The following EYA2 variants were observed in gnomAD, a reference collection of about 807,000 sequenced individuals.
The protein encoded by EYA2 is EYA transcriptional coactivator and phosphatase 2, also known as protein phosphatase EYA2.
In EYA2, 31 loss-of-function variants were observed where a neutral mutation model predicts 69.2. The ratio of observed to expected loss-of-function variants is 0.45; its 90% confidence interval spans 0.34 to 0.60. EYA2 has a LOEUF of 0.60. Ranked by LOEUF, EYA2 falls within the 20% of genes least tolerant of loss-of-function variation. EYA2 has a pLI of 0.02. For synonymous variants in EYA2, 257 were observed against 279.4 expected, an observed-to-expected ratio of 0.92 and a Z score of 0.80; for missense variants, 622 against 701.2, an observed-to-expected ratio of 0.89 and a Z score of 1.28.
intron 10 of EYA2, among the ~76,000 whole-genome samples, chr20:47,156,051 CATATATATACAT>C (rs1568813817): frequency 0.022 from 1,939 of 86,424 alleles, 99 homozygotes; most frequent in African/African-American, 0.1. Flanking sequence ...CACACACACA[CATATATATACAT>C]ACACACACAC....
chr20:47,057,182 G>T (rs950929973), intron 5 of EYA2, among the ~76,000 whole-genome samples: 9 of 142,928 alleles, frequency 6.3e-5, no homozygotes, highest in Admixed American at 2.8e-4. Flanking sequence ...AGGAAGGAAG[G>T]AATCTCAGCA....
At chr20:47,071,198 C>T (rs4416278) in intron 5 of EYA2, among the ~76,000 whole-genome samples, 34,445 of 151,794 alleles carry the variant, frequency 0.23, 3,972 homozygotes, top group South Asian at 0.28. Context: ...TTAGTAGAGA[C>T]AGAATTTCAC....
At chr20:46,967,130 A>G (rs1979837507) in intron 1 of EYA2, among the ~76,000 whole-genome samples, 1 of 152,302 alleles carries the variant, frequency 6.6e-6, no homozygotes, top group Non-Finnish European at 1.5e-5. Context: ...AGTAGCTGGG[A>G]CTACAGGCAC....
At chr20:46,944,433 C>G (rs1209330) in intron 1 of EYA2, among the ~76,000 whole-genome samples, 57,133 of 151,924 alleles carry the variant, frequency 0.38, 11,582 homozygotes, top group Non-Finnish European at 0.46. Flanking sequence ...TCAGATTGTT[C>G]GGATGAGCAG....
At chr20:47,124,991 A>C (rs2033142710) in intron 9 of EYA2, among the ~76,000 whole-genome samples, 1 of 149,696 alleles carries the variant, frequency 6.7e-6, no homozygotes, top group African/African-American at 2.4e-5. Context: ...ATTTGTCATG[A>C]GTTTGACTCT....
chr20:47,095,678 G>A (rs995504303), intron 8 of EYA2: 3 of 152,090 alleles, frequency 2.0e-5, no homozygotes, highest in Non-Finnish European at 4.4e-5. Flanking sequence ...AAAAAATGAT[G>A]AAAGAATTCT....
chr20:46,982,946 G>A (rs1980934509), intron 1 of EYA2, among the ~76,000 whole-genome samples: 1 of 149,294 alleles, frequency 6.7e-6, no homozygotes, highest in South Asian at 2.1e-4. Flanking sequence ...GCTAATTTTT[G>A]TATTTTTAGT....
At chr20:47,073,727 G>A (rs967277899) in intron 6 of EYA2, among the ~76,000 whole-genome samples, 5 of 152,132 alleles carry the variant, frequency 3.3e-5, no homozygotes, top group African/African-American at 1.2e-4. Flanking sequence ...CAGTGCACGG[G>A]GCAGGCAGGA....
intron 1 of EYA2, among the ~76,000 whole-genome samples, chr20:46,919,932 T>C (rs865897104): frequency 4.6e-5 from 7 of 152,174 alleles, no homozygotes; most frequent in African/African-American, 7.2e-5. Flanking sequence ...TTCAGTACTC[T>C]TGTGTTTCAC....
chr20:46,952,476 G>GTCAT (rs1432555339), intron 1 of EYA2, among the ~76,000 whole-genome samples: 2 of 152,226 alleles, frequency 1.3e-5, no homozygotes, highest in African/African-American at 2.4e-5. Flanking sequence ...TTGTTCATCA[G>GTCAT]TCATTCATTC....
intron 5 of EYA2, among the ~76,000 whole-genome samples, chr20:47,060,553 G>A (rs1278433549): frequency 5.3e-5 from 8 of 152,246 alleles, no homozygotes; most frequent in Non-Finnish European, 1.2e-4. Flanking sequence ...CATCAGCCTG[G>A]GCAGAGGGAA....
At chr20:47,174,299 C>T (rs540884410) in intron 12 of EYA2, among the ~76,000 whole-genome samples, 2 of 152,356 alleles carry the variant, frequency 1.3e-5, no homozygotes, top group South Asian at 4.1e-4. Context: ...AACTTTCTAG[C>T]TATGTGGCCT....
In EYA2 at chr20:47,180,515, C is replaced by T. The variant is rs182124575; in HGVS notation, c.1314-300C>T. 3.3e-3 allele frequency among the ~76,000 whole-genome samples: 505 copies of T among 152,338 alleles called. 6 individuals are homozygous for T. Among genetic ancestry groups the T allele is most frequent in the Non-Finnish European group, 1.6e-3 (112 of 68,034 alleles). On this transcript the variant is annotated intron_variant, in intron 13 of 15. Coordinates refer to ENST00000327619, the MANE Select transcript of EYA2 (RefSeq NM_005244.5). ...CCCCACCTCTCCCTCTTGTCCTACACTTGTTCCATATCACTCATTTACATT... is the reference window on the plus strand; with the variant it reads ...CCCCACCTCTCCCTCTTGTCCTACATTTGTTCCATATCACTCATTTACATT...
In EYA2 at chr20:47,181,005, T is replaced by TG. The variant is rs1250744770; in HGVS notation, c.1435+73dup. On this transcript the variant is annotated intron_variant, in intron 14 of 15. Coordinates refer to ENST00000327619, the MANE Select transcript of EYA2 (RefSeq NM_005244.5). Reference sequence around the variant, plus strand: ...TGGGGTTAGCTTTCCATCCTGGGAATGGGGTGTTTAAGGAACATGACACCA... The same window carrying TG: ...TGGGGTTAGCTTTCCATCCTGGGAATGGGGGTGTTTAAGGAACATGACACCA... The TG allele has an allele frequency of 7.7e-6, 12 of 1,568,160 alleles. No individual in the cohort carries two copies. The East Asian group carries it at 2.7e-4, about 35-fold the overall frequency.
At chr20:47,085,615 C>T (rs2031870167) in intron 7 of EYA2, among the ~76,000 whole-genome samples, 1 of 150,838 alleles carries the variant, frequency 6.6e-6, no homozygotes, top group Non-Finnish European at 1.5e-5. Flanking sequence ...CACTGCACTC[C>T]AGGCTGGCAA....
intron 5 of EYA2, among the ~76,000 whole-genome samples, chr20:47,033,338 A>G (rs754759653): frequency 1.3e-5 from 2 of 152,236 alleles, no homozygotes; most frequent in African/African-American, 2.4e-5. Flanking sequence ...TGCAGGCTAT[A>G]CAGTCTCTGT....
At chr20:47,086,814 T>G (rs9753543) in intron 7 of EYA2, among the ~76,000 whole-genome samples, 4,624 of 151,738 alleles carry the variant, frequency 0.03, 105 homozygotes, top group South Asian at 0.063. Context: ...TTTTGTTGTT[T>G]TTTTTTTTGG....
At position 47,188,265 on chromosome 20, in the gene EYA2, A is replaced by G. The variant is rs1040475825; in HGVS notation, c.*132A>G. 18 of 772,592 alleles carry G rather than the reference A, an allele frequency of 2.3e-5. No individual in the cohort carries two copies. The African/African-American group carries it at 3.0e-4, about 13-fold the overall frequency. The allele number at this position is 772,592 out of a possible 1,614,324, so 47.9% of individuals were successfully genotyped here. ...GCCCCACAGCCGAGACGACGTGTCC[A>G]GTGACCATCTCAGAAGCCGTCCATC... is the stretch of plus-strand genomic sequence containing the variant. On this transcript the variant is annotated 3_prime_UTR_variant, in exon 16 of 16. Coordinates refer to ENST00000327619, the MANE Select transcript of EYA2 (RefSeq NM_005244.5).
At chr20:47,144,401 G>A (rs1241053523) in intron 10 of EYA2, among the ~76,000 whole-genome samples, 1 of 151,250 alleles carries the variant, frequency 6.6e-6, no homozygotes, top group African/African-American at 2.4e-5. Flanking sequence ...AAATAAAACT[G>A]TATACAAAAA....
Sources: allele counts gnomAD v4.1 joint callset (sites outside exome capture counted in the v4.1 genomes callset), GRCh38; gene constraint gnomAD v4.1.1; transcripts MANE v1.5; gene names NCBI Gene and HGNC (gene_info 2026-07-23, HGNC 2026-07-21).